The following PTPRD variants were observed in gnomAD, a reference collection of about 807,000 sequenced individuals.
PTPRD encodes receptor-type tyrosine-protein phosphatase delta.
In PTPRD, 34 loss-of-function variants were observed where a neutral mutation model predicts 214.5. The observed-to-expected ratio is 0.16, with a 90% CI of 0.12 to 0.21. The LOEUF (loss-of-function observed/expected upper bound fraction) is 0.21, where lower values mean the gene tolerates loss of function less well. Ranked by LOEUF, PTPRD falls within the 10% of genes least tolerant of loss-of-function variation. The pLI, the probability that PTPRD is intolerant of heterozygous loss-of-function variation, is 1.00. For synonymous variants in PTPRD, 1,128 were observed against 845.7 expected (o/e 1.33, Z -5.79); for missense variants, 2,545 against 2,398.7 (o/e 1.06, Z -1.27).
chr9:8,508,179 G>A (rs2097579691), intron 21 of PTPRD, among the ~76,000 whole-genome samples: 3 of 152,162 alleles, frequency 2.0e-5, no homozygotes, highest in Non-Finnish European at 2.9e-5. Context: ...GTAACTTAAA[G>A]AGATCATCTA....
At chr9:10,288,992 C>T (rs1000633766) in intron 3 of PTPRD, among the ~76,000 whole-genome samples, 39 of 151,354 alleles carry the variant, frequency 2.6e-4, no homozygotes, top group African/African-American at 9.5e-4. Flanking sequence ...CAAGACAAAG[C>T]TCCCTAACTT....
chr9:10,249,389 A>G (rs945166008), intron 3 of PTPRD, among the ~76,000 whole-genome samples: 1 of 152,094 alleles, frequency 6.6e-6, no homozygotes, highest in Non-Finnish European at 1.5e-5. Context: ...TTGTTTCAAG[A>G]TCTATAGGAA....
chr9:8,874,010 G>A (rs1036784504), intron 11 of PTPRD, among the ~76,000 whole-genome samples: 8 of 152,006 alleles, frequency 5.3e-5, no homozygotes, highest in African/African-American at 1.9e-4. Flanking sequence ...AGACTTTGAG[G>A]GGCAAAACTA....
At position 10,147,869 on chromosome 9, in the gene PTPRD, G is replaced by T. The variant is rs116535066; in HGVS notation, c.-544-114079C>A. ...CACTCCAGCCTGGGCAACAAAGGGA[G>T]ACTTCATCTCAAAATAAATAAATAC... is the stretch of plus-strand genomic sequence containing the variant. On this transcript the variant is annotated intron_variant, in intron 3 of 45. Transcript: ENST00000381196. 2.3e-4 allele frequency among the ~76,000 whole-genome samples: 35 copies of T among 151,770 alleles called. No homozygotes were observed. The East Asian group carries it at 6.8e-3, about 29-fold the overall frequency.
At chr9:10,153,133 T>G (rs2099072179) in intron 3 of PTPRD, among the ~76,000 whole-genome samples, 1 of 152,120 alleles carries the variant, frequency 6.6e-6, no homozygotes, top group Non-Finnish European at 1.5e-5. Flanking sequence ...ACATTGTATG[T>G]ATGAAAGTTG....
At chr9:8,731,656 C>T (rs933636925) in intron 12 of PTPRD, among the ~76,000 whole-genome samples, 5 of 152,126 alleles carry the variant, frequency 3.3e-5, no homozygotes, top group African/African-American at 7.2e-5. Context: ...ATGATATCTC[C>T]GACTCTACCA....
chr9:9,264,019 T>C (rs762057943), intron 9 of PTPRD, among the ~76,000 whole-genome samples: 3 of 151,610 alleles, frequency 2.0e-5, no homozygotes, highest in Admixed American at 6.6e-5. Flanking sequence ...CCTAACCAGT[T>C]TGTTTGGTGA....
intron 11 of PTPRD, among the ~76,000 whole-genome samples, chr9:8,830,372 T>A (rs895123729): frequency 2.0e-5 from 3 of 152,174 alleles, no homozygotes; most frequent in African/African-American, 7.2e-5. Context: ...TTAAAAGATA[T>A]GAGATAAATT....
At chr9:8,660,442 C>T (rs932054489) in intron 12 of PTPRD, among the ~76,000 whole-genome samples, 1 of 152,176 alleles carries the variant, frequency 6.6e-6, no homozygotes, top group African/African-American at 2.4e-5. Flanking sequence ...AAAGATAACA[C>T]TTATCCAAAT....
At chr9:9,989,928 T>C (rs978627924) in intron 4 of PTPRD, among the ~76,000 whole-genome samples, 4 of 152,140 alleles carry the variant, frequency 2.6e-5, no homozygotes, top group African/African-American at 4.8e-5. Context: ...TTGAGCACTG[T>C]GGGCTGAGAA....
intron 5 of PTPRD, among the ~76,000 whole-genome samples, chr9:9,873,830 A>T (rs2066123572): frequency 6.6e-6 from 1 of 152,088 alleles, no homozygotes. Flanking sequence ...ACCTATTGGG[A>T]ATTAGTGTTA....
chr9:9,201,357 T>A (rs556616113), intron 9 of PTPRD, among the ~76,000 whole-genome samples: 67 of 152,314 alleles, frequency 4.4e-4, no homozygotes, highest in Non-Finnish European at 6.6e-4. Context: ...TGAAGAAAAC[T>A]GTGGAATGCT....
At chr9:8,808,265 A>G (rs2096727551) in intron 11 of PTPRD, among the ~76,000 whole-genome samples, 2 of 152,124 alleles carry the variant, frequency 1.3e-5, no homozygotes, top group South Asian at 4.1e-4. Flanking sequence ...GAGGTGAACA[A>G]CAGCAACCAC....
intron 9 of PTPRD, among the ~76,000 whole-genome samples, chr9:9,377,602 A>G (rs2061126466): frequency 6.6e-6 from 1 of 152,176 alleles, no homozygotes; most frequent in South Asian, 2.1e-4. Context: ...GCAGAGCCAT[A>G]ATCCAACCCC....
chr9:10,049,046 A>AG (rs1218389323), intron 3 of PTPRD, among the ~76,000 whole-genome samples: 1 of 152,110 alleles, frequency 6.6e-6, no homozygotes, highest in Non-Finnish European at 1.5e-5. Flanking sequence ...GAGGTTTGAG[A>AG]AAAAAGATGG....
At chr9:8,564,084 G>A (rs1177558510) in intron 14 of PTPRD, among the ~76,000 whole-genome samples, 2 of 152,188 alleles carry the variant, frequency 1.3e-5, no homozygotes, top group African/African-American at 4.8e-5. Flanking sequence ...GATACTCTCT[G>A]GTGATGCTGG....
At chr9:8,447,238 G>A (rs2095766483) in intron 34 of PTPRD, among the ~76,000 whole-genome samples, 1 of 152,002 alleles carries the variant, frequency 6.6e-6, no homozygotes, top group Non-Finnish European at 1.5e-5. Flanking sequence ...GTCTACTACA[G>A]CTCCTCTCTT....
chr9:10,457,255 C>T (rs2098925314), intron 2 of PTPRD, among the ~76,000 whole-genome samples: 1 of 151,756 alleles, frequency 6.6e-6, no homozygotes, highest in East Asian at 1.9e-4. Context: ...TGTGTATATA[C>T]CTATAAAATG....
intron 39 of PTPRD, among the ~76,000 whole-genome samples, chr9:8,353,964 G>GTTT (rs35377231): frequency 7.1e-5 from 2 of 28,240 alleles, no homozygotes; most frequent in African/African-American, 1.9e-4. Flanking sequence ...ATATATATAT[G>GTTT]TTTTTTTTTT....
Sources: allele counts gnomAD v4.1 joint callset (sites outside exome capture counted in the v4.1 genomes callset), GRCh38; gene constraint gnomAD v4.1.1; transcripts MANE v1.5; gene names NCBI Gene and HGNC (gene_info 2026-07-23, HGNC 2026-07-21).